KLF12: variants seen among roughly 807,000 people sequenced by gnomAD.
KLF12 encodes KLF transcription factor 12.
A neutral mutation model predicts 37.8 loss-of-function variants in KLF12; 9 were observed. That is an observed-to-expected ratio of 0.24 (90% CI 0.14 to 0.42). KLF12 has a LOEUF of 0.42. Ranked by LOEUF, KLF12 falls within the 10% of genes least tolerant of loss-of-function variation. The pLI is 1.00. For synonymous variants in KLF12, 208 were observed against 202.1 expected (o/e 1.03, Z -0.25); for missense variants, 411 against 516.0 (o/e 0.80, Z 1.97).
chr13:73,894,919 TCTTA>T (rs1278162309), intron 3 of KLF12, among the ~76,000 whole-genome samples: 1 of 152,222 alleles, frequency 6.6e-6, no homozygotes, highest in African/African-American at 2.4e-5. Context: ...GAGTAATAGT[TCTTA>T]TTTATCAACG....
chr13:74,078,572 T>G (rs1291159918), intron 1 of KLF12, among the ~76,000 whole-genome samples: 1 of 152,244 alleles, frequency 6.6e-6, no homozygotes. Context: ...TTTCCATAAT[T>G]GTGTGATGAT....
At chr13:74,167,898 C>T in the KLF12 span, among the ~76,000 whole-genome samples, 4 of 152,122 alleles carry the variant, frequency 2.6e-5, no homozygotes, top group African/African-American at 9.7e-5. Context: ...ATGCAAGACA[C>T]TAAAGTTATC....
At chr13:74,270,729 G>C in the KLF12 span, among the ~76,000 whole-genome samples, 2 of 152,110 alleles carry the variant, frequency 1.3e-5, no homozygotes, top group East Asian at 1.9e-4. Context: ...TAGCTGGTTG[G>C]GTAGATGTGC....
the KLF12 span, among the ~76,000 whole-genome samples, chr13:74,220,686 C>A: frequency 3.9e-5 from 6 of 152,150 alleles, no homozygotes; most frequent in Non-Finnish European, 7.3e-5. Flanking sequence ...TCTACCCAAC[C>A]CTAGCCCTTG....
chr13:73,737,504 T>A (rs560510930), intron 6 of KLF12, among the ~76,000 whole-genome samples: 1 of 152,294 alleles, frequency 6.6e-6, no homozygotes, highest in South Asian at 2.1e-4. Flanking sequence ...TACTCTTTCC[T>A]GCCCTTTCAG....
intron 6 of KLF12, among the ~76,000 whole-genome samples, chr13:73,748,934 G>A (rs1187628502): frequency 6.6e-6 from 1 of 152,110 alleles, no homozygotes. Context: ...AAAGGCCTTG[G>A]AAAAGTTACT....
chr13:73,922,960 G>T (rs184610503), intron 3 of KLF12, among the ~76,000 whole-genome samples: 1 of 152,162 alleles, frequency 6.6e-6, no homozygotes, highest in Non-Finnish European at 1.5e-5. Flanking sequence ...CAGACCTTCC[G>T]CCACAAATTC....
chr13:74,144,864 T>G, the KLF12 span, among the ~76,000 whole-genome samples: 1 of 152,164 alleles, frequency 6.6e-6, no homozygotes, highest in African/African-American at 2.4e-5. Flanking sequence ...GCAACTGTAT[T>G]TTCTCAAAAG....
At chr13:74,267,593 G>A in the KLF12 span, among the ~76,000 whole-genome samples, 8 of 152,152 alleles carry the variant, frequency 5.3e-5, no homozygotes, top group Admixed American at 5.2e-4. Context: ...GTAGGGGGAA[G>A]GAGGGATGAA....
At chr13:74,210,041 T>G in the KLF12 span, among the ~76,000 whole-genome samples, 1 of 152,194 alleles carries the variant, frequency 6.6e-6, no homozygotes. Context: ...TTAATATTTA[T>G]TTTTTATATC....
At chr13:74,260,574 T>TAAAATAAAATAAAATAAAAA in the KLF12 span, among the ~76,000 whole-genome samples, 7 of 100,336 alleles carry the variant, frequency 7.0e-5, no homozygotes, top group African/African-American at 3.9e-4. Context: ...TAAAATAAAA[T>TAAAATAAAATAAAATAAAAA]AAATAAAATA....
At chr13:74,143,336 T>TTCATTCTCAATTC in the KLF12 span, among the ~76,000 whole-genome samples, 3 of 148,812 alleles carry the variant, frequency 2.0e-5, no homozygotes, top group African/African-American at 5.0e-5. Context: ...TATACAGAAT[T>TTCATTCTCAATTC]CAAATACAAT....
chr13:73,996,369 A>C (rs1187642417), intron 1 of KLF12, among the ~76,000 whole-genome samples: 1 of 152,234 alleles, frequency 6.6e-6, no homozygotes, highest in Non-Finnish European at 1.5e-5. Context: ...CCTAACACAC[A>C]GTGTTCTCAA....
the KLF12 span, among the ~76,000 whole-genome samples, chr13:74,158,139 G>C: frequency 6.6e-6 from 1 of 152,216 alleles, no homozygotes; most frequent in Non-Finnish European, 1.5e-5. Context: ...AGCAAGGGAG[G>C]CATGTTCAGG....
Position 74,074,389 on chromosome 13 carries a change from G to T in KLF12, c.-32+59350C>A, listed in dbSNP as rs77935859. Among the ~76,000 whole-genome samples the T allele has an allele frequency of 4.1e-4, 62 of 152,244 alleles. No homozygotes were observed. In the East Asian group the frequency reaches 0.012, roughly 28 times the overall value. Reference sequence around the variant, plus strand: ...GAGGCCAAACAGGGTTCTAAAACCTGCAGAAGGTCTCCTGGGACAGCCTTC... The same window carrying T: ...GAGGCCAAACAGGGTTCTAAAACCTTCAGAAGGTCTCCTGGGACAGCCTTC... On this transcript the variant is annotated intron_variant, in intron 1 of 7. Transcript: ENST00000377669.
the KLF12 span, among the ~76,000 whole-genome samples, chr13:74,227,038 T>C: frequency 6.6e-6 from 1 of 152,192 alleles, no homozygotes; most frequent in African/African-American, 2.4e-5. Flanking sequence ...GTCATGTTTC[T>C]TCACTGTTTT....
the KLF12 span, among the ~76,000 whole-genome samples, chr13:74,224,336 G>GATCC: frequency 6.6e-6 from 1 of 152,144 alleles, no homozygotes; most frequent in Non-Finnish European, 1.5e-5. Flanking sequence ...TACATCCTCA[G>GATCC]ATCCTCTATT....
At chr13:73,699,509 C>G (rs1425427225) in intron 7 of KLF12, among the ~76,000 whole-genome samples, 1 of 152,206 alleles carries the variant, frequency 6.6e-6, no homozygotes, top group Non-Finnish European at 1.5e-5. Context: ...GTACAATAAC[C>G]TCACCTATGA....
At chr13:73,969,745 T>C (rs1891276863) in intron 2 of KLF12, among the ~76,000 whole-genome samples, 1 of 152,204 alleles carries the variant, frequency 6.6e-6, no homozygotes, top group Non-Finnish European at 1.5e-5. Flanking sequence ...ATTCAAGACA[T>C]ACATGGAAGA....
Sources: gnomAD v4.1 joint callset for allele counts (sites outside exome capture counted in the v4.1 genomes callset) on GRCh38, gnomAD v4.1.1 for gene constraint, MANE v1.5 for transcripts, NCBI Gene and HGNC (gene_info 2026-07-23, HGNC 2026-07-21) for gene names.